Variants in IQCJ observed in about 807,000 individuals in gnomAD.
IQCJ encodes IQ domain-containing protein J.
In IQCJ, 9 loss-of-function variants were observed where a neutral mutation model predicts 11.0. The ratio of observed to expected loss-of-function variants is 0.82; its 90% CI spans 0.49 to 1.43. The LOEUF (loss-of-function observed/expected upper bound fraction) is 1.43. IQCJ is among the 40% of genes most tolerant of loss of function. The pLI is 0.00. For synonymous variants in IQCJ, 55 were observed against 51.3 expected (o/e 1.07, Z -0.31); for missense variants, 146 against 133.2 (o/e 1.10, Z -0.47).
intron 1 of IQCJ, among the ~76,000 whole-genome samples, chr3:159,163,974 T>G (rs1722025896): frequency 6.6e-6 from 1 of 152,200 alleles, no homozygotes; most frequent in South Asian, 2.1e-4. Context: ...TACAAAAGCT[T>G]AGAAATCCAT....
At chr3:159,102,387 A>G (rs1381085205) in intron 1 of IQCJ, among the ~76,000 whole-genome samples, 1 of 152,230 alleles carries the variant, frequency 6.6e-6, no homozygotes, top group Admixed American at 6.5e-5. Flanking sequence ...TCAGGAAAAA[A>G]TAGTTGCAGA....
chr3:159,201,627 C>CTTTTTTTTTTT (rs71144478), intron 1 of IQCJ, among the ~76,000 whole-genome samples: 2 of 70,314 alleles, frequency 2.8e-5, no homozygotes, highest in Admixed American at 4.1e-4. Flanking sequence ...GATAATGATT[C>CTTTTTTTTTTT]TTTTTTTTTT....
chr3:159,130,203 T>A (rs2108159139), intron 1 of IQCJ, among the ~76,000 whole-genome samples: 1 of 152,302 alleles, frequency 6.6e-6, no homozygotes, highest in East Asian at 1.9e-4. Flanking sequence ...AATTTTCAGT[T>A]ATTTGTTGGG....
intron 1 of IQCJ, among the ~76,000 whole-genome samples, chr3:159,103,928 A>G (rs1170722823): frequency 6.6e-6 from 1 of 152,270 alleles, no homozygotes; most frequent in Non-Finnish European, 1.5e-5. Context: ...TTCAAATTGC[A>G]TACACCTATG....
chr3:159,127,637 A>G, intron 1 of IQCJ, among the ~76,000 whole-genome samples: 1 of 152,216 alleles, frequency 6.6e-6, no homozygotes, highest in East Asian at 1.9e-4. Flanking sequence ...GTTCCTGGAC[A>G]CAGAAAGCAT....
chr3:159,107,352 G>A (rs1298345676), intron 1 of IQCJ, among the ~76,000 whole-genome samples: 1 of 152,170 alleles, frequency 6.6e-6, no homozygotes, highest in African/African-American at 2.4e-5. Flanking sequence ...GTAACCAGGA[G>A]GTTGACCTCA....
intron 1 of IQCJ, among the ~76,000 whole-genome samples, chr3:159,163,153 A>G (rs1721967994): frequency 6.6e-6 from 1 of 152,234 alleles, no homozygotes; most frequent in South Asian, 2.1e-4. Context: ...TCCTTGATGA[A>G]CATTGATGCA....
chr3:159,131,175 GT>G (rs1719965818), intron 1 of IQCJ, among the ~76,000 whole-genome samples: 1 of 152,182 alleles, frequency 6.6e-6, no homozygotes, highest in African/African-American at 2.4e-5. Context: ...CATGGTGCTA[GT>G]TGTGTGACTC....
In IQCJ at chr3:159,252,727, T is replaced by G. The variant is rs147630966; in HGVS notation, c.75T>G (p.Asn25Lys). ...ATTGAGACATTATTTCTGTTTCTAG[T>G]CACCAGCTGGCCATGGATGCAGAGA... is the stretch of plus-strand genomic sequence containing the variant. The part of the protein sequence containing the change: ...QVNDGKYSFE[N>K]HQLAMDAENN... The change falls in exon 3 of 4, where the codon AAT becomes AAG. Residue 25 changes from asparagine (N) to lysine (K), a missense_variant and splice_region_variant. Transcript: ENST00000397832. 1,435 of 1,610,804 alleles carry G rather than the reference T, an allele frequency of 8.9e-4. 6 individuals carry two copies. The African/African-American group carries it at 0.013, about 15-fold the overall frequency.
At chr3:159,147,992 A>T (rs893990784) in intron 1 of IQCJ, among the ~76,000 whole-genome samples, 2 of 152,236 alleles carry the variant, frequency 1.3e-5, no homozygotes, top group African/African-American at 2.4e-5. Flanking sequence ...TATGTGCAAA[A>T]TGCAAATCCT....
intron 1 of IQCJ, among the ~76,000 whole-genome samples, chr3:159,119,854 G>A (rs1034601142): frequency 1.3e-5 from 2 of 152,156 alleles, no homozygotes; most frequent in African/African-American, 2.4e-5. Context: ...TCATTGACCA[G>A]AGAAGTACTA....
chr3:159,185,733 C>G (rs1004357542), intron 1 of IQCJ, among the ~76,000 whole-genome samples: 1 of 152,152 alleles, frequency 6.6e-6, no homozygotes, highest in Non-Finnish European at 1.5e-5. Flanking sequence ...CAGTTCTTCA[C>G]TTGCTGGGGT....
At chr3:159,227,870 T>C (rs958675584) in intron 1 of IQCJ, among the ~76,000 whole-genome samples, 1 of 152,200 alleles carries the variant, frequency 6.6e-6, no homozygotes, top group Non-Finnish European at 1.5e-5. Context: ...TTTACAGATA[T>C]TAAGCATGAG....
intron 1 of IQCJ, among the ~76,000 whole-genome samples, chr3:159,079,190 G>T (rs1030170838): frequency 6.6e-6 from 1 of 152,084 alleles, no homozygotes; most frequent in South Asian, 2.1e-4. Context: ...ATGTCATTGT[G>T]GGGGCTTGGG....
chr3:159,185,184 G>A (rs903132649), intron 1 of IQCJ, among the ~76,000 whole-genome samples: 1 of 152,162 alleles, frequency 6.6e-6, no homozygotes, highest in Non-Finnish European at 1.5e-5. Context: ...CTAGGATGCT[G>A]GGGCCTCTGT....
intron 1 of IQCJ, among the ~76,000 whole-genome samples, chr3:159,235,249 T>C (rs888497267): frequency 2.0e-5 from 3 of 152,242 alleles, no homozygotes; most frequent in African/African-American, 7.2e-5. Flanking sequence ...ATAGTTGTCC[T>C]GCTGTTAAGC....
intron 1 of IQCJ, among the ~76,000 whole-genome samples, chr3:159,201,416 T>C (rs1020281656): frequency 1.3e-5 from 2 of 152,088 alleles, no homozygotes; most frequent in Non-Finnish European, 2.9e-5. Flanking sequence ...AAATGCGACT[T>C]AGAAAAAACA....
intron 1 of IQCJ, among the ~76,000 whole-genome samples, chr3:159,180,753 T>C (rs1262947325): frequency 2.6e-5 from 4 of 152,036 alleles, no homozygotes; most frequent in Non-Finnish European, 5.9e-5. Flanking sequence ...AATTCAGAAA[T>C]GGCAAAATAA....
At chr3:159,176,294 G>A (rs189146316) in intron 1 of IQCJ, among the ~76,000 whole-genome samples, 519 of 151,774 alleles carry the variant, frequency 3.4e-3, no homozygotes, top group Non-Finnish European at 5.7e-3. Context: ...AATTTTTCTA[G>A]TTTTAGTTTG....
Sources: allele counts gnomAD v4.1 joint callset (sites outside exome capture counted in the v4.1 genomes callset), GRCh38; gene constraint gnomAD v4.1.1; transcripts MANE v1.5; gene names NCBI Gene and HGNC (gene_info 2026-07-23, HGNC 2026-07-21).